Variants in ARHGEF37 observed in about 807,000 individuals in gnomAD.
ARHGEF37 encodes the protein Rho guanine nucleotide exchange factor 37, also known as Rho guanine nucleotide exchange factor (GEF) 37.
Under a neutral mutation model 71.1 loss-of-function variants are expected in ARHGEF37, and 55 were observed. The ratio of observed to expected loss-of-function variants is 0.77; its 90% CI spans 0.62 to 0.97. ARHGEF37 has a LOEUF of 0.97. Ranked by LOEUF, ARHGEF37 falls within the 50% of genes least tolerant of loss-of-function variation. The pLI is 0.00. For synonymous variants in ARHGEF37, 327 were observed against 350.6 expected (o/e 0.93, Z 0.75); for missense variants, 765 against 836.8 (o/e 0.91, Z 1.06).
intron 1 of ARHGEF37, among the ~76,000 whole-genome samples, chr5:149,566,244 C>T (rs1580882183): frequency 6.6e-6 from 1 of 151,850 alleles, no homozygotes; most frequent in East Asian, 1.9e-4. Flanking sequence ...CACCTGTAAT[C>T]CCAGCACTTT....
intron 4 of ARHGEF37, among the ~76,000 whole-genome samples, chr5:149,612,628 A>G (rs1415989320): frequency 6.6e-6 from 1 of 152,256 alleles, no homozygotes. Context: ...AGTGTAACAC[A>G]TTTCGAGGCC....
intron 6 of ARHGEF37, 38 bp downstream of exon 6, chr5:149,618,344 A>AC: frequency 3.1e-6 from 5 of 1,612,920 alleles, no homozygotes; most frequent in Non-Finnish European, 3.4e-6. Context: ...ACATCCAGCC[A>AC]CCCCCAAGGC....
intron 1 of ARHGEF37, among the ~76,000 whole-genome samples, chr5:149,584,649 G>A (rs980150628): frequency 1.3e-5 from 2 of 150,140 alleles, no homozygotes; most frequent in South Asian, 2.1e-4. Context: ...TCGCTCTGTC[G>A]CCCAGGCTGG....
At chr5:149,622,691 A>G (rs888227820) in intron 9 of ARHGEF37, among the ~76,000 whole-genome samples, 33 of 152,212 alleles carry the variant, frequency 2.2e-4, no homozygotes, top group African/African-American at 7.5e-4. Flanking sequence ...ACAACACTCA[A>G]GAGCCTGTAA....
At chr5:149,596,497 GT>G (rs1210246953) in intron 1 of ARHGEF37, among the ~76,000 whole-genome samples, 5 of 152,098 alleles carry the variant, frequency 3.3e-5, no homozygotes, top group Admixed American at 3.3e-4. Flanking sequence ...TAGAAATGCG[GT>G]TTTACCATGT....
At chr5:149,609,320 C>G (rs1205141966) in intron 3 of ARHGEF37, among the ~76,000 whole-genome samples, 1 of 152,178 alleles carries the variant, frequency 6.6e-6, no homozygotes, top group Non-Finnish European at 1.5e-5. Context: ...TCACAGTTTC[C>G]TAGCCTAAGA....
At chr5:149,573,798 T>C (rs1319878988) in intron 1 of ARHGEF37, among the ~76,000 whole-genome samples, 1 of 152,184 alleles carries the variant, frequency 6.6e-6, no homozygotes, top group East Asian at 1.9e-4. Context: ...TATAACCTGC[T>C]TTTTAAAATT....
intron 4 of ARHGEF37, 71 bp from the exon 5 acceptor site, chr5:149,616,496 G>T: frequency 2.1e-6 from 3 of 1,436,856 alleles, no homozygotes; most frequent in Non-Finnish European, 2.8e-6. Context: ...GTAGAGTGAG[G>T]ACTACAGCCC....
In ARHGEF37 at chr5:149,632,107, G is replaced by A. The variant is rs755470100; in HGVS notation, c.1944G>A (p.Val648=). 1.2e-6 allele frequency: 2 copies of A among 1,614,280 alleles called. No individual in the cohort carries two copies. The highest frequency in any genetic ancestry group is 1.3e-5 in the African/African-American group (1 of 75,076). The part of the protein sequence containing the change: ...KGNPEWSLVE[V]NGQRGYVPSG... The stretch of plus-strand genomic sequence containing the variant: ...ACCCTGAGTGGAGCCTGGTGGAAGT[G>A]AATGGACAGAGGGGTTATGTGCCTT... The change falls in exon 13 of 13, where the codon GTG becomes GTA. Residue 648 remains valine (V), a synonymous_variant. Transcript: ENST00000333677.
intron 7 of ARHGEF37, 33 bp from the exon 8 acceptor site, chr5:149,620,321 T>G: frequency 7.1e-7 from 1 of 1,417,644 alleles, no homozygotes; most frequent in Non-Finnish European, 9.5e-7. Flanking sequence ...ATGACAGGCA[T>G]GATTGGATGT....
At chr5:149,589,834 A>AT (rs953930020) in intron 1 of ARHGEF37, among the ~76,000 whole-genome samples, 44 of 146,296 alleles carry the variant, frequency 3.0e-4, no homozygotes, top group African/African-American at 4.5e-4. Flanking sequence ...GCTAATTTAA[A>AT]TTTTTTTTTT....
intron 1 of ARHGEF37, among the ~76,000 whole-genome samples, chr5:149,558,245 G>A (rs559290841): frequency 1.3e-5 from 2 of 152,140 alleles, no homozygotes; most frequent in South Asian, 2.1e-4. Context: ...CATGGCTTAC[G>A]CCATGCAATC....
intron 1 of ARHGEF37, among the ~76,000 whole-genome samples, chr5:149,556,310 C>T (rs1762754970): frequency 6.6e-6 from 1 of 152,210 alleles, no homozygotes; most frequent in Non-Finnish European, 1.5e-5. Context: ...TCTCCTGCCT[C>T]AGCCTCTTGA....
chr5:149,627,043 C>T, intron 10 of ARHGEF37, 33 bp from the exon 11 acceptor site: 1 of 1,580,048 alleles, frequency 6.3e-7, no homozygotes, highest in Non-Finnish European at 8.6e-7. Flanking sequence ...TTTATTCAAG[C>T]ACTTGTGTCT....
intron 1 of ARHGEF37, among the ~76,000 whole-genome samples, chr5:149,589,834 A>T (rs948422454): frequency 8.9e-5 from 13 of 146,292 alleles, no homozygotes; most frequent in African/African-American, 2.3e-4. Flanking sequence ...GCTAATTTAA[A>T]TTTTTTTTTT....
intron 6 of ARHGEF37, among the ~76,000 whole-genome samples, 182 bp downstream of exon 6, chr5:149,618,488 T>G (rs1176237761): frequency 6.6e-6 from 1 of 152,180 alleles, no homozygotes; most frequent in Non-Finnish European, 1.5e-5. Context: ...GTGGAGGGGT[T>G]TCTCCAGTGT....
intron 8 of ARHGEF37, among the ~76,000 whole-genome samples, chr5:149,620,688 G>A (rs7738010): frequency 0.39 from 58,667 of 151,380 alleles, 11,458 homozygotes; most frequent in East Asian, 0.52. Context: ...AAAATTAGCC[G>A]GGCATGGCAG....
Position 149,562,475 on chromosome 5 carries a change from G to C in ARHGEF37, c.-12+10352G>C, listed in dbSNP as rs1762844683. On this transcript the variant is annotated intron_variant, in intron 1 of 2. Transcript: ENST00000505810. ...TTTATTTATTTATTTTTGAGACGGA[G>C]TCTCGCTCTGTCGCCCAGGCTGGAG... is the stretch of plus-strand genomic sequence containing the variant. 2.0e-5 allele frequency among the ~76,000 whole-genome samples: 3 copies of C among 151,954 alleles called. No individual in the cohort carries two copies. The South Asian group carries it at 6.2e-4, about 32-fold the overall frequency.
chr5:149,591,289 C>T (rs577624376), intron 1 of ARHGEF37, among the ~76,000 whole-genome samples: 8 of 152,306 alleles, frequency 5.3e-5, no homozygotes, highest in African/African-American at 1.4e-4. Flanking sequence ...ATTGCTTCTG[C>T]CCAGGCTGGT....
Sources: gnomAD v4.1 joint callset for allele counts (sites outside exome capture counted in the v4.1 genomes callset) on GRCh38, gnomAD v4.1.1 for gene constraint, MANE v1.5 for transcripts, NCBI Gene and HGNC (gene_info 2026-07-23, HGNC 2026-07-21) for gene names.